Variants in AGBL4 observed in about 807,000 individuals in gnomAD.
AGBL4 encodes cytosolic carboxypeptidase 6.
In AGBL4, 58 loss-of-function variants were observed where a neutral mutation model predicts 66.4. That is an observed-to-expected ratio of 0.87 (90% CI 0.71 to 1.09). AGBL4 has a LOEUF of 1.09. Ranked by LOEUF, AGBL4 falls within the 50% of genes least tolerant of loss-of-function variation. AGBL4 has a pLI of 0.00. For missense variants in AGBL4, 579 were observed against 631.0 expected, an observed-to-expected ratio of 0.92 and a Z score of 0.88; for synonymous variants, 234 against 222.9, an observed-to-expected ratio of 1.05 and a Z score of -0.44.
chr1:49,014,275 G>A (rs924179108), intron 5 of AGBL4, among the ~76,000 whole-genome samples: 1 of 152,162 alleles, frequency 6.6e-6, no homozygotes, highest in Admixed American at 6.5e-5. Flanking sequence ...GAGAAAATTG[G>A]TGAGACAGGG....
chr1:49,297,968 G>A (rs561844555), intron 3 of AGBL4, among the ~76,000 whole-genome samples: 15 of 152,128 alleles, frequency 9.9e-5, no homozygotes, highest in Admixed American at 5.9e-4. Flanking sequence ...ATCTGGATCC[G>A]CCCCCAACTT....
intron 1 of AGBL4, among the ~76,000 whole-genome samples, chr1:49,946,016 T>C (rs2148302475): frequency 6.6e-6 from 1 of 152,056 alleles, no homozygotes; most frequent in East Asian, 1.9e-4. Context: ...ATCACAATCC[T>C]AAATATATAT....
intron 9 of AGBL4, among the ~76,000 whole-genome samples, chr1:48,625,131 T>TCCTC (rs1459017835): frequency 1.1e-5 from 1 of 90,756 alleles, no homozygotes; most frequent in African/African-American, 3.6e-5. Context: ...CTTCCTTCCT[T>TCCTC]CCTTCCTTCC....
At position 49,320,056 on chromosome 1, in the gene AGBL4, C is replaced by T. The variant is rs530458361; in HGVS notation, c.283-74192G>A. Among the ~76,000 whole-genome samples, 521 of 152,148 alleles carry T rather than the reference C, an allele frequency of 3.4e-3. 5 individuals carry two copies. The highest frequency in any genetic ancestry group is 0.012 in the African/African-American group (501 of 41,510). On this transcript the variant is annotated intron_variant, in intron 3 of 13. Transcript: ENST00000371839. ...AAGACATCCTTCCACCTCCATCTCC[C>T]GAGTAGCTGGGCCCACAGACGTATA...
intron 5 of AGBL4, among the ~76,000 whole-genome samples, chr1:49,038,219 A>G (rs1358750388): frequency 1.3e-5 from 2 of 152,110 alleles, no homozygotes; most frequent in Non-Finnish European, 2.9e-5. Flanking sequence ...TAATACTCAC[A>G]TAATATTCTT....
chr1:49,532,763 C>A (rs1403622460), intron 3 of AGBL4, among the ~76,000 whole-genome samples: 1 of 152,100 alleles, frequency 6.6e-6, no homozygotes, highest in Non-Finnish European at 1.5e-5. Flanking sequence ...TCCACTGTTT[C>A]TAAGGTCACC....
intron 1 of AGBL4, among the ~76,000 whole-genome samples, chr1:49,990,842 T>C (rs1399788776): frequency 1.3e-5 from 2 of 152,218 alleles, no homozygotes; most frequent in African/African-American, 4.8e-5. Context: ...GCGTGTAGGA[T>C]ATGTTTAGCA....
intron 3 of AGBL4, among the ~76,000 whole-genome samples, chr1:49,645,848 T>C (rs1465808194): frequency 2.0e-5 from 3 of 149,902 alleles, no homozygotes; most frequent in Non-Finnish European, 4.5e-5. Flanking sequence ...AAGTATGGAA[T>C]GCAAAGTTAG....
At chr1:49,685,665 AT>A (rs1558161385) in intron 3 of AGBL4, among the ~76,000 whole-genome samples, 1 of 152,048 alleles carries the variant, frequency 6.6e-6, no homozygotes, top group Non-Finnish European at 1.5e-5. Context: ...GATGTTGAGC[AT>A]TTTTTCATAA....
At chr1:49,354,791 A>G (rs991351697) in intron 3 of AGBL4, among the ~76,000 whole-genome samples, 1 of 152,242 alleles carries the variant, frequency 6.6e-6, no homozygotes, top group East Asian at 1.9e-4. Context: ...TACTTCTAAT[A>G]TTAAACATTG....
intron 2 of AGBL4, among the ~76,000 whole-genome samples, chr1:49,724,027 A>T (rs1648817865): frequency 6.6e-6 from 1 of 152,156 alleles, no homozygotes; most frequent in African/African-American, 2.4e-5. Context: ...AGGGTAGAAT[A>T]GGAATGATTA....
intron 6 of AGBL4, among the ~76,000 whole-genome samples, chr1:48,667,749 G>C (rs1646211652): frequency 6.6e-6 from 1 of 152,136 alleles, no homozygotes; most frequent in African/African-American, 2.4e-5. Flanking sequence ...CATAATCTCG[G>C]AGCCAAGATG....
chr1:48,553,844 C>T (rs935091995), intron 11 of AGBL4, among the ~76,000 whole-genome samples: 2 of 152,050 alleles, frequency 1.3e-5, no homozygotes, highest in African/African-American at 2.4e-5. Context: ...GACTCTTCTG[C>T]GATTAGTGAG....
At chr1:49,944,605 G>A (rs564494822) in intron 1 of AGBL4, among the ~76,000 whole-genome samples, 41 of 151,974 alleles carry the variant, frequency 2.7e-4, no homozygotes, top group Non-Finnish European at 5.7e-4. Context: ...CTACCCAAAT[G>A]AGAAGGAATC....
At chr1:48,711,630 C>T (rs1428957055) in intron 6 of AGBL4, among the ~76,000 whole-genome samples, 3 of 152,110 alleles carry the variant, frequency 2.0e-5, no homozygotes, top group South Asian at 2.1e-4. Flanking sequence ...CTGCCTGGGT[C>T]GAGTATGGAA....
At chr1:49,600,492 C>A (rs1644933535) in intron 3 of AGBL4, among the ~76,000 whole-genome samples, 1 of 152,146 alleles carries the variant, frequency 6.6e-6, no homozygotes, top group South Asian at 2.1e-4. Context: ...TTATTTTGAG[C>A]CTATGTGTGT....
chr1:49,045,341 C>T (rs1644051439), intron 5 of AGBL4, among the ~76,000 whole-genome samples: 1 of 152,246 alleles, frequency 6.6e-6, no homozygotes, highest in Non-Finnish European at 1.5e-5. Context: ...CCATCTGTCT[C>T]ATATCTTATT....
chr1:48,653,225 C>T (rs1338905523), intron 8 of AGBL4, 112 bp downstream of exon 8: 37 of 821,776 alleles, frequency 4.5e-5, no homozygotes, highest in Non-Finnish European at 6.4e-5. Context: ...CTCTAATGAA[C>T]TCATGGGCAG....
At chr1:48,634,779 C>T (rs962529735) in intron 8 of AGBL4, among the ~76,000 whole-genome samples, 175 bp from the exon 9 acceptor site, 2 of 152,154 alleles carry the variant, frequency 1.3e-5, no homozygotes, top group African/African-American at 4.8e-5. Flanking sequence ...CATCAACAAC[C>T]CTGTGAGGTC....
Sources: gnomAD v4.1 joint callset for allele counts (sites outside exome capture counted in the v4.1 genomes callset) on GRCh38, gnomAD v4.1.1 for gene constraint, MANE v1.5 for transcripts, NCBI Gene and HGNC (gene_info 2026-07-23, HGNC 2026-07-21) for gene names.